ZBTB20: variants seen among roughly 807,000 people sequenced by gnomAD.
The protein encoded by ZBTB20 is zinc finger and BTB domain-containing protein 20.
A neutral mutation model predicts 56.9 loss-of-function variants in ZBTB20; 9 were observed. That is an observed-to-expected ratio of 0.16 (90% CI 0.10 to 0.28). The LOEUF (loss-of-function observed/expected upper bound fraction) is 0.28. ZBTB20 is among the 10% of genes least tolerant of loss of function. ZBTB20 has a pLI of 1.00. For missense variants in ZBTB20, 655 were observed against 1,003.0 expected (o/e 0.65, Z 4.69); for synonymous variants, 417 against 420.7 (o/e 0.99, Z 0.11).
At chr3:114,388,267 G>C (rs537591881) in intron 8 of ZBTB20, 1 of 152,098 alleles carries the variant, frequency 6.6e-6, no homozygotes, top group African/African-American at 2.4e-5. Flanking sequence ...TTTTCTATTG[G>C]AAAATAGCAT....
intron 5 of ZBTB20, among the ~76,000 whole-genome samples, chr3:114,773,237 G>C (rs560953773): frequency 6.6e-6 from 1 of 152,280 alleles, no homozygotes; most frequent in Non-Finnish European, 1.5e-5. Flanking sequence ...AACTGGTAGA[G>C]CCAATCTAAA....
At chr3:114,465,956 C>A (rs16822754) in intron 7 of ZBTB20, among the ~76,000 whole-genome samples, 6 of 152,056 alleles carry the variant, frequency 3.9e-5, no homozygotes, top group Admixed American at 3.3e-4. Context: ...ATTTCCTTTG[C>A]GACAATAATT....
At chr3:114,936,533 AAAG>A (rs2107829716) in intron 3 of ZBTB20, among the ~76,000 whole-genome samples, 1 of 152,326 alleles carries the variant, frequency 6.6e-6, no homozygotes, top group South Asian at 2.1e-4. Flanking sequence ...AATGCCACAA[AAAG>A]AAGTATTATA....
At chr3:114,347,120 G>T in intron 11 of ZBTB20, among the ~76,000 whole-genome samples, 1 of 105,920 alleles carries the variant, frequency 9.4e-6, no homozygotes, top group African/African-American at 3.7e-5. Context: ...TAAGAGATAG[G>T]TACCCAGGTT....
chr3:115,082,362 G>A (rs546510319), intron 1 of ZBTB20, among the ~76,000 whole-genome samples: 2 of 152,224 alleles, frequency 1.3e-5, no homozygotes, highest in African/African-American at 2.4e-5. Flanking sequence ...ACTTCTGAGC[G>A]CCTATGCATG....
At chr3:114,518,686 C>T (rs2046308091) in intron 6 of ZBTB20, 1 of 152,190 alleles carries the variant, frequency 6.6e-6, no homozygotes, top group South Asian at 2.1e-4. Context: ...TCAATAAATA[C>T]CTGCTGAATG....
At chr3:114,789,546 T>A (rs2070788831) in intron 5 of ZBTB20, among the ~76,000 whole-genome samples, 1 of 151,964 alleles carries the variant, frequency 6.6e-6, no homozygotes, top group African/African-American at 2.4e-5. Context: ...TGATCCTGAG[T>A]TGGGGGAGCT....
intron 1 of ZBTB20, among the ~76,000 whole-genome samples, chr3:115,095,017 T>C (rs1252163119): frequency 2.6e-5 from 4 of 152,098 alleles, no homozygotes; most frequent in African/African-American, 9.7e-5. Flanking sequence ...ATAAAAACTT[T>C]CAAATAGATT....
intron 4 of ZBTB20, among the ~76,000 whole-genome samples, chr3:114,825,019 T>C (rs2073451279): frequency 6.6e-6 from 1 of 151,922 alleles, no homozygotes; most frequent in Non-Finnish European, 1.5e-5. Context: ...TAGATCTTAA[T>C]ACCCTGATGA....
intron 4 of ZBTB20, among the ~76,000 whole-genome samples, chr3:114,895,311 C>T (rs559386864): frequency 2.0e-3 from 312 of 152,264 alleles, no homozygotes; most frequent in Non-Finnish European, 3.6e-3. Context: ...CATTTTGATG[C>T]ATATGAAAGT....
chr3:115,037,638 T>C (rs1446060381), intron 2 of ZBTB20, among the ~76,000 whole-genome samples: 1 of 152,190 alleles, frequency 6.6e-6, no homozygotes, highest in Non-Finnish European at 1.5e-5. Flanking sequence ...GGGACATAGT[T>C]GGTGATTTAA....
chr3:114,339,162 G>C lies in ZBTB20; in HGVS notation c.2069C>G (p.Thr690Ser). ...ACCTGGGGGTGTGCCTGCAGGGGGG[G>C]TCCCATTGCTGGCACTGTGCAGGGC... Reference protein sequence around the residue: ...HVALHSASNGTPPAGTPPGAR... With the variant: ...HVALHSASNGSPPAGTPPGAR... The change falls in exon 12 of 12, where the codon ACC becomes AGC. Residue 690 changes from threonine (T) to serine (S), a missense_variant. Transcript: ENST00000675478. This position sits in a 1 kb window ranked among gnomAD's most constrained non-coding sequence, Gnocchi z 4.2. The C allele has an allele frequency of 1.2e-6, 2 of 1,614,146 alleles. No individual in the cohort carries two copies. The highest frequency in any genetic ancestry group is 1.7e-6 in the Non-Finnish European group (2 of 1,179,960).
chr3:114,361,654 A>G (rs1328713221), intron 10 of ZBTB20, among the ~76,000 whole-genome samples: 1 of 152,222 alleles, frequency 6.6e-6, no homozygotes, highest in Non-Finnish European at 1.5e-5. Context: ...TTATTAACCC[A>G]GAATGGGTAA....
chr3:115,081,359 T>C (rs913397212), intron 1 of ZBTB20, among the ~76,000 whole-genome samples: 16 of 152,086 alleles, frequency 1.1e-4, no homozygotes, highest in African/African-American at 3.6e-4. Flanking sequence ...AACACACATC[T>C]GTAGGGTTTG....
chr3:114,601,451 C>T (rs1238898505), intron 6 of ZBTB20, among the ~76,000 whole-genome samples: 3 of 151,980 alleles, frequency 2.0e-5, no homozygotes, highest in Non-Finnish European at 4.4e-5. Flanking sequence ...GCCCATATTC[C>T]CATATCCGTC....
At chr3:114,585,665 G>A (rs2055109044) in intron 6 of ZBTB20, among the ~76,000 whole-genome samples, 1 of 152,272 alleles carries the variant, frequency 6.6e-6, no homozygotes, top group South Asian at 2.1e-4. Context: ...CCCTAGGCAG[G>A]TGGTCTTTGT....
Position 114,565,614 on chromosome 3 carries a change from T to A in ZBTB20, c.-294-65223A>T, listed in dbSNP as rs538868682. On this transcript the variant is annotated intron_variant, in intron 6 of 11. Coordinates refer to ENST00000675478, the MANE Select transcript of ZBTB20 (RefSeq NM_001348800.3). ...ATGACACAAACTAATTATATAGTTA[T>A]CAGGAGATAATACGGTAGCGATAAC... 3.3e-5 allele frequency among the ~76,000 whole-genome samples: 5 copies of A among 152,346 alleles called. No individual in the cohort carries two copies. The East Asian group carries it at 7.7e-4, about 23-fold the overall frequency.
intron 6 of ZBTB20, among the ~76,000 whole-genome samples, chr3:114,646,905 G>C (rs911583326): frequency 1.1e-4 from 16 of 152,124 alleles, no homozygotes; most frequent in Admixed American, 3.9e-4. Flanking sequence ...AGAGTTGCTA[G>C]TTAATCACTG....
At chr3:114,638,070 T>C (rs2059370036) in intron 6 of ZBTB20, among the ~76,000 whole-genome samples, 2 of 152,058 alleles carry the variant, frequency 1.3e-5, no homozygotes, top group Non-Finnish European at 2.9e-5. Flanking sequence ...TTGAAATTTA[T>C]AAGCCAATTA....
Sources: allele counts gnomAD v4.1 joint callset (sites outside exome capture counted in the v4.1 genomes callset), GRCh38; gene constraint gnomAD v4.1.1; non-coding constraint Gnocchi (gnomAD v3.1); transcripts MANE v1.5; gene names NCBI Gene and HGNC (gene_info 2026-07-23, HGNC 2026-07-21).